The following NFATC3 variants were observed in gnomAD, a reference collection of about 807,000 sequenced individuals.
NFATC3 encodes nuclear factor of activated T cells 3, also known as nuclear factor of activated T-cells, cytoplasmic 3.
Under a neutral mutation model 98.6 loss-of-function variants are expected in NFATC3, and 46 were observed. The ratio of observed to expected loss-of-function variants is 0.47; its 90% CI spans 0.37 to 0.60. The LOEUF is 0.60. NFATC3 is among the 20% of genes least tolerant of loss of function. The probability of loss-of-function intolerance (pLI) is 0.00; values close to 1 mark genes in which losing one functional copy is unlikely to be tolerated. For synonymous variants in NFATC3, 512 were observed against 472.2 expected (o/e 1.08, Z -1.09); for missense variants, 1,256 against 1,295.5 (o/e 0.97, Z 0.47).
intron 1 of NFATC3, among the ~76,000 whole-genome samples, chr16:68,113,842 C>G (rs1205758816): frequency 3.3e-5 from 5 of 152,260 alleles, no homozygotes; most frequent in Non-Finnish European, 7.3e-5. Flanking sequence ...CCTAAGGAAA[C>G]AATCTGGCCA....
rs2039228248 is a variant in NFATC3, at chr16:68,167,052, T to C, written c.1774+37T>C. On this transcript the variant is annotated intron_variant, in intron 5 of 9. Coordinates refer to ENST00000346183, the MANE Select transcript of NFATC3 (RefSeq NM_173165.3). Reference sequence around the variant, plus strand: ...TGTGATGATGTTTTAAGATCTTGTGTATAATAGCTTATTTTCTGTTTTACT... The same window carrying C: ...TGTGATGATGTTTTAAGATCTTGTGCATAATAGCTTATTTTCTGTTTTACT... 1.9e-6 allele frequency: 3 copies of C among 1,573,182 alleles called. No homozygotes were observed. The South Asian group carries it at 3.4e-5, about 18-fold the overall frequency.
At chr16:68,085,822 G>T (rs547343367) in intron 1 of NFATC3, 38 bp downstream of exon 1, 12 of 1,362,980 alleles carry the variant, frequency 8.8e-6, no homozygotes, top group Non-Finnish European at 7.6e-6. Context: ...GAGCGACCCC[G>T]CTTCTCGCTC....
rs1317101445 is a variant in NFATC3, at chr16:68,190,949, C to T, written c.2280C>T (p.Thr760=). The part of the protein sequence containing the change: ...SIPQTYASMV[T]SSHLPQLQCR... Reference sequence around the variant, plus strand: ...CACAAACATATGCATCCATGGTGACCTCATCCCATCTGCCACAGTTGCAGT... The same window carrying T: ...CACAAACATATGCATCCATGGTGACTTCATCCCATCTGCCACAGTTGCAGT... Residue 760 remains threonine (T), a synonymous_variant, in exon 9 of 10, where the codon ACC becomes ACT. Transcript: ENST00000346183. 4 of 1,614,210 alleles carry T rather than the reference C, an allele frequency of 2.5e-6. No homozygotes were observed. The highest frequency in any genetic ancestry group is 3.4e-6 in the Non-Finnish European group (4 of 1,180,030).
At chr16:68,219,501 C>T (rs866989002) in intron 9 of NFATC3, among the ~76,000 whole-genome samples, 37 of 152,152 alleles carry the variant, frequency 2.4e-4, no homozygotes, top group African/African-American at 7.7e-4. Flanking sequence ...TAGGAGTTCA[C>T]GGCTGTAGTG....
chr16:68,158,677 C>T (rs1481171694), intron 4 of NFATC3, among the ~76,000 whole-genome samples: 6 of 152,028 alleles, frequency 3.9e-5, no homozygotes, highest in African/African-American at 1.2e-4. Context: ...TCTTCTTTGC[C>T]GTCTTTAGCA....
intron 2 of NFATC3, among the ~76,000 whole-genome samples, chr16:68,125,604 A>T (rs1180441218): frequency 6.6e-6 from 1 of 152,136 alleles, no homozygotes; most frequent in Admixed American, 6.6e-5. Context: ...GCGGGAAGTG[A>T]TAACTTCAGT....
intron 9 of NFATC3, among the ~76,000 whole-genome samples, chr16:68,210,171 A>G (rs2041319440): frequency 6.6e-6 from 1 of 151,884 alleles, no homozygotes; most frequent in Non-Finnish European, 1.5e-5. Flanking sequence ...GGTGGCGGGC[A>G]CCTGTAGTCC....
At chr16:68,154,374 C>G (rs1308044075) in intron 3 of NFATC3, among the ~76,000 whole-genome samples, 1 of 152,096 alleles carries the variant, frequency 6.6e-6, no homozygotes, top group East Asian at 1.9e-4. Flanking sequence ...CTTTCCATTT[C>G]TATTTTCTAT....
intron 1 of NFATC3, 61 bp from the exon 2 acceptor site, chr16:68,121,926 A>T: frequency 6.6e-7 from 1 of 1,503,940 alleles, no homozygotes; most frequent in South Asian, 1.3e-5. Context: ...TAATTTATAC[A>T]TCTGAGTTTT....
At chr16:68,172,803 G>A (rs897224743) in intron 5 of NFATC3, among the ~76,000 whole-genome samples, 4 of 152,000 alleles carry the variant, frequency 2.6e-5, no homozygotes, top group South Asian at 2.1e-4. Flanking sequence ...AAAAACAACC[G>A]TTAGAGAACC....
At chr16:68,177,773 T>C (rs893881969) in intron 6 of NFATC3, among the ~76,000 whole-genome samples, 3 of 152,134 alleles carry the variant, frequency 2.0e-5, no homozygotes, top group African/African-American at 4.8e-5. Context: ...ATCCTAAATA[T>C]TCCCTTTCTC....
At position 68,166,998 on chromosome 16, in the gene NFATC3, C is replaced by G; in HGVS notation, c.1757C>G (p.Ser586Cys). 6.2e-7 allele frequency: 1 copy of G among 1,613,584 alleles called. No individual in the cohort carries two copies. Among genetic ancestry groups the G allele is most frequent in the East Asian group, 2.2e-5 (1 of 44,872 alleles). The change falls in exon 5 of 10, where the codon TCT (serine) becomes TGT (cysteine). Residue 586 changes from serine (S) to cysteine (C), a missense_variant. This residue lies in a region of NFATC3 where 636 missense variants were observed against 617.3 expected (regional missense o/e 1.03). Coordinates refer to ENST00000346183, the MANE Select transcript of NFATC3 (RefSeq NM_173165.3). ...SGKVLSLQIA[S>C]IPVECSQRSA... The stretch of plus-strand genomic sequence containing the variant: ...AAAGTCCTTTCTCTGCAGATAGCCT[C>G]TATACCCGTTGAGTGCTGTAAGTGA...
At chr16:68,161,395 TACTTA>T (rs1384493510) in intron 4 of NFATC3, among the ~76,000 whole-genome samples, 4 of 152,358 alleles carry the variant, frequency 2.6e-5, no homozygotes, top group East Asian at 1.9e-4. Context: ...TTTATTCTGT[TACTTA>T]ACTTGGCTTG....
At chr16:68,205,563 T>A (rs1175115097) in intron 9 of NFATC3, among the ~76,000 whole-genome samples, 1 of 152,352 alleles carries the variant, frequency 6.6e-6, no homozygotes, top group South Asian at 2.1e-4. Flanking sequence ...AATATGTTCA[T>A]GTGGTTTAAA....
chr16:68,140,240 A>AC (rs1807218442), intron 3 of NFATC3, among the ~76,000 whole-genome samples: 1 of 151,598 alleles, frequency 6.6e-6, no homozygotes, highest in African/African-American at 2.4e-5. Flanking sequence ...GCCTCAGGTG[A>AC]CCCGCCCACG....
chr16:68,198,775 G>A (rs2040777183), intron 9 of NFATC3, among the ~76,000 whole-genome samples: 1 of 152,148 alleles, frequency 6.6e-6, no homozygotes, highest in Admixed American at 6.6e-5. Flanking sequence ...ATAGCTGGGC[G>A]TGTTGGCTCA....
At chr16:68,199,005 G>A (rs927167105) in intron 9 of NFATC3, among the ~76,000 whole-genome samples, 1 of 151,884 alleles carries the variant, frequency 6.6e-6, no homozygotes, top group African/African-American at 2.4e-5. Flanking sequence ...CCAAGATCAC[G>A]CTGCTGCACT....
chr16:68,146,242 C>A (rs2038033482), intron 3 of NFATC3, among the ~76,000 whole-genome samples: 1 of 151,942 alleles, frequency 6.6e-6, no homozygotes, highest in African/African-American at 2.4e-5. Context: ...ACTATTTTTG[C>A]AACTTCCTAT....
chr16:68,186,613 T>C (rs1235546519), intron 8 of NFATC3, among the ~76,000 whole-genome samples: 2 of 152,220 alleles, frequency 1.3e-5, no homozygotes, highest in Non-Finnish European at 2.9e-5. Flanking sequence ...TATCATTCTG[T>C]TCTTCCAGAT....
Sources: allele counts gnomAD v4.1 joint callset (sites outside exome capture counted in the v4.1 genomes callset), GRCh38; gene constraint gnomAD v4.1.1; regional missense constraint gnomAD v4.1.1; transcripts MANE v1.5; gene names NCBI Gene and HGNC (gene_info 2026-07-23, HGNC 2026-07-21).